The following PHF24 variants were observed in gnomAD, a reference collection of about 807,000 sequenced individuals.
The protein encoded by PHF24 is PHD finger protein 24, also known as Galpha inhibitory interacting protein.
Under a neutral mutation model 42.6 loss-of-function variants are expected in PHF24, and 25 were observed. That is an observed-to-expected ratio of 0.59 (90% confidence interval 0.43 to 0.82). PHF24 has a LOEUF of 0.82. PHF24 is among the 40% of genes least tolerant of loss of function. The probability of loss-of-function intolerance (pLI) is 0.00; values close to 1 mark genes in which losing one functional copy is unlikely to be tolerated. For missense variants in PHF24, 470 were observed against 538.1 expected, an observed-to-expected ratio of 0.87 and a Z score of 1.25; for synonymous variants, 185 against 204.8, an observed-to-expected ratio of 0.90 and a Z score of 0.83.
the PHF24 span, among the ~76,000 whole-genome samples, chr9:34,784,645 T>C: frequency 6.6e-6 from 1 of 152,236 alleles, no homozygotes; most frequent in Non-Finnish European, 1.5e-5. Context: ...CGATTTCCAC[T>C]GTCCTGCTTT....
At chr9:34,860,844 A>C in the PHF24 span, among the ~76,000 whole-genome samples, 1 of 152,228 alleles carries the variant, frequency 6.6e-6, no homozygotes, top group African/African-American at 2.4e-5. Flanking sequence ...AAAGAACTAT[A>C]AAACTGGGCA....
At chr9:34,677,553 C>G in the PHF24 span, among the ~76,000 whole-genome samples, 3 of 151,942 alleles carry the variant, frequency 2.0e-5, no homozygotes, top group Non-Finnish European at 4.4e-5. Context: ...CCCGCCACCA[C>G]GCCTGGCTAA....
the PHF24 span, chr9:34,728,075 T>G: frequency 3.9e-6 from 6 of 1,551,916 alleles, no homozygotes. Flanking sequence ...CCCGGGAACG[T>G]CTCCTAGCTG....
the PHF24 span, among the ~76,000 whole-genome samples, chr9:34,792,483 C>G: frequency 2.6e-5 from 4 of 152,128 alleles, no homozygotes; most frequent in Admixed American, 2.6e-4. Flanking sequence ...CCAGCCTGAC[C>G]AACATGGAGA....
At chr9:34,788,449 C>T in the PHF24 span, among the ~76,000 whole-genome samples, 1 of 152,152 alleles carries the variant, frequency 6.6e-6, no homozygotes, top group Admixed American at 6.5e-5. Flanking sequence ...TCCCTGTACT[C>T]TCCTACACAG....
At chr9:34,959,253 T>TA (rs999457784) in intron 1 of PHF24, among the ~76,000 whole-genome samples, 12 of 152,168 alleles carry the variant, frequency 7.9e-5, no homozygotes, top group African/African-American at 2.7e-4. Flanking sequence ...TGGCAGGTCC[T>TA]GGAGGGAAAG....
chr9:34,936,719 C>A, the PHF24 span, among the ~76,000 whole-genome samples: 3 of 145,510 alleles, frequency 2.1e-5, no homozygotes, highest in Admixed American at 6.8e-5. Flanking sequence ...CTCTGCCCCA[C>A]CGCCCCGTCT....
chr9:34,937,513 G>T, the PHF24 span, among the ~76,000 whole-genome samples: 1 of 152,156 alleles, frequency 6.6e-6, no homozygotes, highest in African/African-American at 2.4e-5. Flanking sequence ...AAACACTGCG[G>T]AAGGCCGCAG....
At chr9:34,897,453 A>G in the PHF24 span, among the ~76,000 whole-genome samples, 1 of 152,252 alleles carries the variant, frequency 6.6e-6, no homozygotes, top group Admixed American at 6.5e-5. Flanking sequence ...GTTTGGGGTG[A>G]TGAATACAAC....
chr9:34,776,083 C>T, the PHF24 span, among the ~76,000 whole-genome samples: 3 of 152,226 alleles, frequency 2.0e-5, no homozygotes, highest in South Asian at 6.2e-4. Flanking sequence ...CTGCCAGAGG[C>T]TGGTTGAAGG....
At chr9:34,685,290 A>G in the PHF24 span, among the ~76,000 whole-genome samples, 6 of 152,166 alleles carry the variant, frequency 3.9e-5, no homozygotes, top group African/African-American at 1.4e-4. Flanking sequence ...CCCTGGGAAT[A>G]GGAGTAGGGT....
chr9:34,946,089 T>G, the PHF24 span, among the ~76,000 whole-genome samples: 1 of 152,214 alleles, frequency 6.6e-6, no homozygotes, highest in South Asian at 2.1e-4. Flanking sequence ...TGCTCTGCAG[T>G]AGGAGATAGG....
the PHF24 span, among the ~76,000 whole-genome samples, chr9:34,898,651 C>G: frequency 6.6e-6 from 1 of 152,190 alleles, no homozygotes; most frequent in African/African-American, 2.4e-5. Flanking sequence ...TTTTTAGTAG[C>G]AGGTCATCAA....
chr9:34,758,241 A>G, the PHF24 span, among the ~76,000 whole-genome samples: 1 of 152,186 alleles, frequency 6.6e-6, no homozygotes, highest in African/African-American at 2.4e-5. The surrounding 1 kb of genome is among the most constrained non-coding windows in gnomAD (Gnocchi z 4.4). Context: ...AGCCTTGGGC[A>G]GGAACAGGGT....
chr9:34,667,100 G>A, the PHF24 span, among the ~76,000 whole-genome samples: 3 of 152,198 alleles, frequency 2.0e-5, no homozygotes, highest in Non-Finnish European at 2.9e-5. Context: ...TCAAGAAAGG[G>A]CAATCAACCC....
At chr9:34,892,623 G>A in the PHF24 span, 15 of 443,784 alleles carry the variant, frequency 3.4e-5, no homozygotes, top group African/African-American at 2.8e-4. Context: ...TGGGTTCAGG[G>A]AAAGAAAGGG....
At chr9:34,740,191 G>C in the PHF24 span, among the ~76,000 whole-genome samples, 3 of 152,240 alleles carry the variant, frequency 2.0e-5, no homozygotes, top group Admixed American at 2.0e-4. Flanking sequence ...ATTCCGCACC[G>C]GGGCTGCGGG....
chr9:34,921,729 G>A, the PHF24 span, among the ~76,000 whole-genome samples: 1 of 152,162 alleles, frequency 6.6e-6, no homozygotes, highest in African/African-American at 2.4e-5. Flanking sequence ...GTATCTGTGG[G>A]ATATCTGTTT....
chr9:34,706,250 T>C, the PHF24 span, among the ~76,000 whole-genome samples: 13 of 152,218 alleles, frequency 8.5e-5, no homozygotes, highest in Non-Finnish European at 1.9e-4. Flanking sequence ...CTAAATATTA[T>C]GGTATGACTA....
Sources: allele counts gnomAD v4.1 joint callset (sites outside exome capture counted in the v4.1 genomes callset), GRCh38; gene constraint gnomAD v4.1.1; non-coding constraint Gnocchi (gnomAD v3.1); transcripts MANE v1.5; gene names NCBI Gene and HGNC (gene_info 2026-07-23, HGNC 2026-07-21).